Variants in SLIT2 observed in about 807,000 individuals in gnomAD.
SLIT2 encodes the protein slit guidance ligand 2, also known as slit homolog 2 protein.
A neutral mutation model predicts 185.7 loss-of-function variants in SLIT2; 41 were observed. That is an observed-to-expected ratio of 0.22 (90% CI 0.17 to 0.29). The LOEUF (loss-of-function observed/expected upper bound fraction) is 0.29. Among genes scored for constraint, SLIT2 ranks in the 10% least tolerant of loss-of-function variants. The probability of loss-of-function intolerance (pLI) is 1.00; values close to 1 mark genes in which losing one functional copy is unlikely to be tolerated. For synonymous variants in SLIT2, 693 were observed against 680.2 expected (o/e 1.02, Z -0.29); for missense variants, 1,571 against 1,909.0 (o/e 0.82, Z 3.30).
At chr4:20,344,711 A>G (rs1028906849) in intron 4 of SLIT2, among the ~76,000 whole-genome samples, 12 of 152,124 alleles carry the variant, frequency 7.9e-5, no homozygotes, top group African/African-American at 2.9e-4. Flanking sequence ...GTGAATGGTC[A>G]CTGTTGAACT....
At chr4:20,456,449 C>T (rs1030478796) in intron 4 of SLIT2, among the ~76,000 whole-genome samples, 2 of 152,090 alleles carry the variant, frequency 1.3e-5, no homozygotes, top group Admixed American at 1.3e-4. Flanking sequence ...ATGCCCTCCT[C>T]TTTGAAAAGC....
At chr4:20,585,400 A>T (rs1036994007) in intron 29 of SLIT2, among the ~76,000 whole-genome samples, 1 of 152,244 alleles carries the variant, frequency 6.6e-6, no homozygotes. Context: ...TGAAATCACA[A>T]ATGCCAGGCA....
At chr4:20,255,117 C>T in intron 1 of SLIT2, 2 of 452,910 alleles carry the variant, frequency 4.4e-6, no homozygotes, top group Non-Finnish European at 8.9e-6. Flanking sequence ...CGGGAGTAAG[C>T]GAAGGGCGCG....
chr4:20,487,367 A>AT (rs1008313577), intron 7 of SLIT2, among the ~76,000 whole-genome samples: 17 of 152,176 alleles, frequency 1.1e-4, no homozygotes, highest in East Asian at 3.9e-4. Context: ...AACTTCAGGT[A>AT]TTTTTTTTAA....
At chr4:20,496,871 T>C (rs989320169) in intron 9 of SLIT2, among the ~76,000 whole-genome samples, 1 of 152,100 alleles carries the variant, frequency 6.6e-6, no homozygotes, top group African/African-American at 2.4e-5. Context: ...ATTTGATAAA[T>C]AGAACCAGAG....
rs114427659 is a variant in SLIT2, at chr4:20,531,019, C to T, written c.1614-965C>T. ...GTAACATAGTGGAAGAAATTGAAAC[C>T]CTCATACATTGCTGGTCTGAATGTA... On this transcript the variant is annotated intron_variant, in intron 16 of 36. Transcript: ENST00000504154. Among the ~76,000 whole-genome samples the T allele has an allele frequency of 3.0e-3, 462 of 151,676 alleles. 1 individual carries two copies. Among genetic ancestry groups the T allele is most frequent in the African/African-American group, 0.011 (438 of 41,402 alleles).
chr4:20,402,068 C>T (rs1167224954), intron 4 of SLIT2, among the ~76,000 whole-genome samples: 1 of 151,660 alleles, frequency 6.6e-6, no homozygotes, highest in African/African-American at 2.4e-5. Context: ...CACTCTGAAC[C>T]TCTAAGAGCA....
At chr4:20,320,666 C>T (rs1297352113) in intron 4 of SLIT2, among the ~76,000 whole-genome samples, 3 of 152,066 alleles carry the variant, frequency 2.0e-5, no homozygotes, top group African/African-American at 7.2e-5. Context: ...TTTTCCTGGA[C>T]AGTTTTAAGC....
chr4:20,543,193 AG>A (rs1415054906), intron 21 of SLIT2, among the ~76,000 whole-genome samples: 2 of 152,008 alleles, frequency 1.3e-5, no homozygotes, highest in Non-Finnish European at 2.9e-5. Flanking sequence ...CTGCTTTTGG[AG>A]GCTTGAATCA....
rs1560228241 is a variant in SLIT2, at chr4:20,598,366, CG to C, written c.3665del (p.Gly1222AlafsTer52). On this transcript the variant is annotated frameshift_variant, in exon 33 of 37. Coordinates refer to ENST00000504154, the MANE Select transcript of SLIT2 (RefSeq NM_004787.4). LOFTEE classifies it high-confidence loss of function. Reference sequence around the variant, plus strand: ...GGCGTGTTCGTGCCAGCTATGACACCGGCTCTCATCCAGCTTCTGCCATTTA... The same window carrying C: ...GGCGTGTTCGTGCCAGCTATGACACCGCTCTCATCCAGCTTCTGCCATTTA... ...RGRVRASYDT[G>X]SHPASAIYSV... The C allele has an allele frequency of 6.2e-7, 1 of 1,614,020 alleles. No individual in the cohort carries two copies. The highest frequency in any genetic ancestry group is 8.5e-7 in the Non-Finnish European group (1 of 1,179,950).
intron 26 of SLIT2, among the ~76,000 whole-genome samples, chr4:20,556,214 T>C (rs571433): frequency 0.34 from 51,595 of 151,684 alleles, 9,700 homozygotes; most frequent in East Asian, 0.81. Flanking sequence ...TCTGGTGGGC[T>C]GAGAAGTATA....
intron 4 of SLIT2, among the ~76,000 whole-genome samples, chr4:20,436,808 A>G (rs1729371026): frequency 6.6e-6 from 1 of 152,180 alleles, no homozygotes; most frequent in Non-Finnish European, 1.5e-5. Flanking sequence ...CTTTTCAGAA[A>G]AACTTTGCTG....
rs376904666 is a variant in SLIT2, at chr4:20,542,487, G to A, written c.2144-7G>A. 184 of 1,612,798 alleles carry A rather than the reference G, an allele frequency of 1.1e-4. No homozygotes were observed. The African/African-American group carries it at 1.4e-3, about 12-fold the overall frequency. ...CTTGGTTTTCCTGTATTTCCTCTGCGATTTAGGAAATGATGACAATAGTTG... is the reference window on the plus strand; with the variant it reads ...CTTGGTTTTCCTGTATTTCCTCTGCAATTTAGGAAATGATGACAATAGTTG... On this transcript the variant is annotated splice_polypyrimidine_tract_variant and splice_region_variant and intron_variant, in intron 20 of 36. Transcript: ENST00000504154.
chr4:20,342,486 GA>G (rs762642017), intron 4 of SLIT2, among the ~76,000 whole-genome samples: 5 of 152,056 alleles, frequency 3.3e-5, no homozygotes, highest in Non-Finnish European at 7.4e-5. Flanking sequence ...TTACATTTGA[GA>G]AGAGGTGGAA....
intron 4 of SLIT2, among the ~76,000 whole-genome samples, chr4:20,423,947 G>T (rs1009047637): frequency 1.2e-4 from 18 of 152,142 alleles, no homozygotes; most frequent in African/African-American, 4.1e-4. Context: ...ATTTCATATG[G>T]TTAAAGAATC....
rs752234857 is a variant in SLIT2 at position 20,617,661 on chromosome 4, C to G, written c.4348+11C>G. 6.2e-7 allele frequency: 1 copy of G among 1,601,414 alleles called. No individual in the cohort carries two copies. Among genetic ancestry groups the G allele is most frequent in the East Asian group, 2.2e-5 (1 of 44,670 alleles). On this transcript the variant is annotated intron_variant, in intron 36 of 36. Transcript: ENST00000504154. Reference sequence around the variant, plus strand: ...ACAGCTGTGATCGAGGTAAGCCAGCCCCACTGGGCACCTCATTCTCTTGGC... The same window carrying G: ...ACAGCTGTGATCGAGGTAAGCCAGCGCCACTGGGCACCTCATTCTCTTGGC...
At chr4:20,334,728 G>A (rs192729701) in intron 4 of SLIT2, among the ~76,000 whole-genome samples, 27 of 152,198 alleles carry the variant, frequency 1.8e-4, no homozygotes, top group African/African-American at 6.0e-4. Flanking sequence ...TTCATAGTAT[G>A]GAGTCCAGGA....
At chr4:20,491,174 G>A (rs935083305) in intron 8 of SLIT2, among the ~76,000 whole-genome samples, 2 of 152,076 alleles carry the variant, frequency 1.3e-5, no homozygotes, top group African/African-American at 4.8e-5. Flanking sequence ...ACAATAAGAT[G>A]ACTTTATACA....
chr4:20,548,235 G>A (rs1367768904), intron 22 of SLIT2, among the ~76,000 whole-genome samples: 1 of 152,018 alleles, frequency 6.6e-6, no homozygotes, highest in African/African-American at 2.4e-5. Flanking sequence ...CCAACCCCTT[G>A]CACGTACACT....
Sources: gnomAD v4.1 joint callset for allele counts (sites outside exome capture counted in the v4.1 genomes callset) on GRCh38, gnomAD v4.1.1 for gene constraint, MANE v1.5 for transcripts, NCBI Gene and HGNC (gene_info 2026-07-23, HGNC 2026-07-21) for gene names.